CNTNAP2: variants seen among roughly 807,000 people sequenced by gnomAD.
CNTNAP2 encodes the protein contactin-associated protein-like 2.
In CNTNAP2, 98 loss-of-function variants were observed where a neutral mutation model predicts 155.2. The ratio of observed to expected loss-of-function variants is 0.63; its 90% CI spans 0.54 to 0.75. The LOEUF (loss-of-function observed/expected upper bound fraction) is 0.75. Ranked by LOEUF, CNTNAP2 falls within the 30% of genes least tolerant of loss-of-function variation. The pLI, the probability that CNTNAP2 is intolerant of heterozygous loss-of-function variation, is 0.00. For missense variants in CNTNAP2, 1,727 were observed against 1,688.1 expected, an observed-to-expected ratio of 1.02 and a Z score of -0.40; for synonymous variants, 651 against 631.2, an observed-to-expected ratio of 1.03 and a Z score of -0.47.
chr7:147,137,472 G>C (rs1801508731), intron 8 of CNTNAP2, among the ~76,000 whole-genome samples: 1 of 151,386 alleles, frequency 6.6e-6, no homozygotes, highest in African/African-American at 2.4e-5. Flanking sequence ...AACATCAATT[G>C]TTCTCAGAAG....
intron 13 of CNTNAP2, among the ~76,000 whole-genome samples, chr7:147,687,036 T>C (rs1167301462): frequency 6.6e-6 from 1 of 152,022 alleles, no homozygotes; most frequent in Non-Finnish European, 1.5e-5. Flanking sequence ...CTAGTATAAA[T>C]AAAAGATAAA....
chr7:147,008,879 GA>G (rs1490042689), intron 3 of CNTNAP2, among the ~76,000 whole-genome samples: 1 of 151,898 alleles, frequency 6.6e-6, no homozygotes, highest in Non-Finnish European at 1.5e-5. Context: ...AGAAAGAGGA[GA>G]GAGACATAGC....
At chr7:148,299,862 A>G (rs980998273) in intron 21 of CNTNAP2, among the ~76,000 whole-genome samples, 2 of 152,222 alleles carry the variant, frequency 1.3e-5, no homozygotes, top group Non-Finnish European at 2.9e-5. Flanking sequence ...CATTTCTCTT[A>G]ACTAAGAAAA....
At chr7:146,162,040 A>G (rs1297592611) in intron 1 of CNTNAP2, among the ~76,000 whole-genome samples, 1 of 152,202 alleles carries the variant, frequency 6.6e-6, no homozygotes, top group Non-Finnish European at 1.5e-5. Flanking sequence ...TAAATGTTAG[A>G]CCTAAAACCA....
intron 11 of CNTNAP2, among the ~76,000 whole-genome samples, chr7:147,532,344 C>T (rs1799455564): frequency 6.6e-6 from 1 of 152,314 alleles, no homozygotes; most frequent in Non-Finnish European, 1.5e-5. Flanking sequence ...CAAAACTTAC[C>T]TTTGATCCTG....
At chr7:146,903,615 A>G (rs562701017) in intron 3 of CNTNAP2, among the ~76,000 whole-genome samples, 2 of 152,264 alleles carry the variant, frequency 1.3e-5, no homozygotes, top group East Asian at 3.9e-4. Flanking sequence ...ACCTCTCTCT[A>G]TCCTCCTGTT....
intron 1 of CNTNAP2, among the ~76,000 whole-genome samples, chr7:146,328,609 G>A (rs572850541): frequency 1.3e-5 from 2 of 151,918 alleles, no homozygotes; most frequent in East Asian, 3.9e-4. Context: ...TCATTAACTA[G>A]TCACTACATT....
intron 1 of CNTNAP2, among the ~76,000 whole-genome samples, chr7:146,219,543 C>T (rs754332353): frequency 8.6e-5 from 13 of 152,030 alleles, no homozygotes; most frequent in Non-Finnish European, 1.6e-4. Flanking sequence ...TATAAATAGA[C>T]GAACAGCACT....
intron 10 of CNTNAP2, among the ~76,000 whole-genome samples, chr7:147,439,427 C>A (rs1211611501): frequency 6.6e-6 from 1 of 151,502 alleles, no homozygotes; most frequent in Non-Finnish European, 1.5e-5. Context: ...AGTTTTATTC[C>A]ATTGTGGTTA....
intron 10 of CNTNAP2, among the ~76,000 whole-genome samples, chr7:147,423,672 T>C (rs564877349): frequency 6.6e-6 from 1 of 152,244 alleles, no homozygotes; most frequent in African/African-American, 2.4e-5. Flanking sequence ...CTCTGAAATA[T>C]TGGCCCTCCT....
At chr7:147,308,349 G>A (rs998169007) in intron 9 of CNTNAP2, among the ~76,000 whole-genome samples, 12 of 152,280 alleles carry the variant, frequency 7.9e-5, no homozygotes, top group Non-Finnish European at 1.2e-4. Context: ...TCAGGCTGCT[G>A]TTTTGGTAAA....
In CNTNAP2 at chr7:148,326,543, G is replaced by A. The variant is rs117583064; in HGVS notation, c.3476-57106G>A. On this transcript the variant is annotated intron_variant, in intron 21 of 23. Coordinates refer to ENST00000361727, the MANE Select transcript of CNTNAP2 (RefSeq NM_014141.6). ...GTCTCTTCTTGAAAGGATTTGAAAC[G>A]GGGAAGCAGCTCTTCAGGAAAGAAA... is the stretch of plus-strand genomic sequence containing the variant. Among the ~76,000 whole-genome samples, 335 of 152,180 alleles carry A rather than the reference G, an allele frequency of 2.2e-3. 5 individuals are homozygous for A. The highest frequency in any genetic ancestry group is 0.016 in the East Asian group (82 of 5,170).
chr7:147,588,059 T>C (rs886624105), intron 12 of CNTNAP2, among the ~76,000 whole-genome samples: 3 of 152,048 alleles, frequency 2.0e-5, no homozygotes, highest in African/African-American at 4.8e-5. Context: ...ATAATACTAA[T>C]GTAGAAAAAG....
At chr7:147,944,546 T>G (rs915188004) in intron 14 of CNTNAP2, among the ~76,000 whole-genome samples, 23 of 152,232 alleles carry the variant, frequency 1.5e-4, no homozygotes, top group African/African-American at 5.1e-4. Flanking sequence ...CATATGCCCA[T>G]GTTTACAAGC....
intron 11 of CNTNAP2, among the ~76,000 whole-genome samples, chr7:147,529,136 T>C (rs1799384931): frequency 6.6e-6 from 1 of 152,216 alleles, no homozygotes; most frequent in Non-Finnish European, 1.5e-5. Context: ...GCTTGTAGAT[T>C]CTGAGTTTAA....
At position 146,171,685 on chromosome 7, in the gene CNTNAP2, A is replaced by G. The variant is rs562458201; in HGVS notation, c.97+54712A>G. On this transcript the variant is annotated intron_variant, in intron 1 of 23. Coordinates refer to ENST00000361727, the MANE Select transcript of CNTNAP2 (RefSeq NM_014141.6). ...TTTTCTTTGGCCAAAATTTCTATTA[A>G]TATGTAAAAGAAAAGATGTGTTTTC... 4.6e-5 allele frequency among the ~76,000 whole-genome samples: 7 copies of G among 152,272 alleles called. No homozygotes were observed. In the East Asian group the frequency reaches 1.2e-3, roughly 25 times the overall value.
chr7:146,451,852 AT>A (rs1796486467), intron 1 of CNTNAP2, among the ~76,000 whole-genome samples: 1 of 58,840 alleles, frequency 1.7e-5, no homozygotes, highest in Admixed American at 2.2e-4. Flanking sequence ...ATATACACGT[AT>A]TCTATATATA....
At chr7:148,169,134 T>G (rs577124298) in intron 17 of CNTNAP2, among the ~76,000 whole-genome samples, 36 of 152,320 alleles carry the variant, frequency 2.4e-4, no homozygotes, top group African/African-American at 8.7e-4. Context: ...AAATATATTC[T>G]CTTGTATTCC....
At chr7:148,389,217 A>G (rs1799290030) in intron 22 of CNTNAP2, among the ~76,000 whole-genome samples, 1 of 152,120 alleles carries the variant, frequency 6.6e-6, no homozygotes, top group East Asian at 1.9e-4. Context: ...CCCCACCCAA[A>G]TCTCATCTTG....
Sources: allele counts gnomAD v4.1 joint callset (sites outside exome capture counted in the v4.1 genomes callset), GRCh38; gene constraint gnomAD v4.1.1; transcripts MANE v1.5; gene names NCBI Gene and HGNC (gene_info 2026-07-23, HGNC 2026-07-21).